SCFD2: variants seen among roughly 807,000 people sequenced by gnomAD.
SCFD2 encodes the protein sec1 family domain containing 2, also known as sec1 family domain-containing protein 2.
A neutral mutation model predicts 58.9 loss-of-function variants in SCFD2; 54 were observed. The observed-to-expected ratio is 0.92, with a 90% CI of 0.74 to 1.15. The LOEUF (loss-of-function observed/expected upper bound fraction) is 1.15, where lower values mean the gene tolerates loss of function less well. SCFD2 is among the 50% of genes most tolerant of loss of function. The probability of loss-of-function intolerance (pLI) is 0.00; values close to 1 mark genes in which losing one functional copy is unlikely to be tolerated. For synonymous variants in SCFD2, 321 were observed against 335.9 expected (o/e 0.96, Z 0.49); for missense variants, 805 against 836.6 (o/e 0.96, Z 0.47).
intron 5 of SCFD2, among the ~76,000 whole-genome samples, chr4:53,041,489 G>A (rs1042114649): frequency 6.6e-5 from 10 of 152,158 alleles, no homozygotes; most frequent in Non-Finnish European, 1.2e-4. Flanking sequence ...CAGTAAAACA[G>A]CATTTAAATC....
chr4:53,329,664 T>G (rs1375260536), intron 2 of SCFD2, among the ~76,000 whole-genome samples: 1 of 152,082 alleles, frequency 6.6e-6, no homozygotes, highest in Admixed American at 6.5e-5. Flanking sequence ...ACAGAAAAAG[T>G]AGAAACTCTA....
chr4:53,176,403 G>A (rs929859637), intron 4 of SCFD2, among the ~76,000 whole-genome samples: 7 of 152,148 alleles, frequency 4.6e-5, no homozygotes, highest in African/African-American at 1.4e-4. Context: ...CTCTTTGGGA[G>A]TGAACTGCTG....
intron 5 of SCFD2, among the ~76,000 whole-genome samples, chr4:52,985,141 T>C (rs932083719): frequency 3.3e-5 from 5 of 152,246 alleles, no homozygotes; most frequent in African/African-American, 1.2e-4. Flanking sequence ...TTTAAGGGTA[T>C]TGATCATAAA....
intron 4 of SCFD2, among the ~76,000 whole-genome samples, chr4:53,174,380 T>G (rs1302136556): frequency 6.6e-6 from 1 of 152,120 alleles, no homozygotes; most frequent in Non-Finnish European, 1.5e-5. Context: ...AATTAGACAT[T>G]ATTAACATTA....
chr4:52,958,636 C>T (rs967333592), intron 5 of SCFD2, among the ~76,000 whole-genome samples: 1 of 152,100 alleles, frequency 6.6e-6, no homozygotes, highest in East Asian at 1.9e-4. Flanking sequence ...GAACAGCTCT[C>T]GGAGGAGCGA....
At chr4:53,028,125 T>C (rs575045717) in intron 5 of SCFD2, among the ~76,000 whole-genome samples, 3 of 152,004 alleles carry the variant, frequency 2.0e-5, no homozygotes, top group Admixed American at 6.6e-5. Flanking sequence ...CAGGCTCCTG[T>C]AGTCCCAGCT....
intron 5 of SCFD2, among the ~76,000 whole-genome samples, chr4:52,952,252 CTCTCACACCCCCATCCCCT>C (rs1720614006): frequency 8.0e-6 from 1 of 125,602 alleles, no homozygotes; most frequent in African/African-American, 2.6e-5. Context: ...GCCCCATCCC[CTCTCACACCCCCATCCCCT>C]CTCACACCCC....
chr4:53,199,751 G>A (rs932460058), intron 4 of SCFD2, among the ~76,000 whole-genome samples: 1 of 152,128 alleles, frequency 6.6e-6, no homozygotes, highest in Non-Finnish European at 1.5e-5. Context: ...GAAGCTACCT[G>A]TCCCCGTACA....
rs569700376 is a variant in SCFD2, at chr4:53,092,873, T to TA, written c.1561+52459dup. Among the ~76,000 whole-genome samples the TA allele has an allele frequency of 4.4e-3, 669 of 152,002 alleles. 2 individuals are homozygous for TA. Among genetic ancestry groups the TA allele is most frequent in the African/African-American group, 0.015 (628 of 41,454 alleles). ...ATGTTATCAAAAAAATAAAGCAGAC[T>TA]AAAAAAACAAAACAGAGGGCCCAAA... On this transcript the variant is annotated intron_variant, in intron 5 of 8. Transcript: ENST00000401642.
chr4:53,292,910 T>C (rs1731891171), intron 3 of SCFD2, among the ~76,000 whole-genome samples: 1 of 151,892 alleles, frequency 6.6e-6, no homozygotes, highest in South Asian at 2.1e-4. Context: ...AGGACAAATA[T>C]GTAATGCATG....
At chr4:52,907,992 T>C (rs1719388184) in intron 6 of SCFD2, among the ~76,000 whole-genome samples, 1 of 152,196 alleles carries the variant, frequency 6.6e-6, no homozygotes, top group South Asian at 2.1e-4. Flanking sequence ...ATTCTTAGCA[T>C]TATGCTCTCC....
chr4:53,341,263 T>G (rs1429511446), intron 2 of SCFD2, among the ~76,000 whole-genome samples: 1 of 152,166 alleles, frequency 6.6e-6, no homozygotes, highest in Non-Finnish European at 1.5e-5. Flanking sequence ...AGTACTTAAA[T>G]GACCTGGTGG....
In SCFD2 at chr4:53,117,852, C is replaced by T. The variant is rs182098558; in HGVS notation, c.1561+27481G>A. Among the ~76,000 whole-genome samples, 32 of 152,224 alleles carry T rather than the reference C, an allele frequency of 2.1e-4. No homozygotes were observed. The East Asian group carries it at 5.2e-3, about 25-fold the overall frequency. On this transcript the variant is annotated intron_variant, in intron 5 of 8. Coordinates refer to ENST00000401642, the MANE Select transcript of SCFD2 (RefSeq NM_152540.4). ...AGGGCTTCTTTAAAAAGCAAGAAAA[C>T]GGTAATCAGCTAGATTCATTTTTCC...
intron 5 of SCFD2, among the ~76,000 whole-genome samples, chr4:52,921,889 TG>T (rs1719745193): frequency 6.6e-6 from 1 of 152,138 alleles, no homozygotes; most frequent in Non-Finnish European, 1.5e-5. Context: ...CTGGGAGTGC[TG>T]GGGAGTCAAC....
At chr4:53,045,819 T>G (rs1300551436) in intron 5 of SCFD2, among the ~76,000 whole-genome samples, 1 of 152,168 alleles carries the variant, frequency 6.6e-6, no homozygotes, top group African/African-American at 2.4e-5. Flanking sequence ...TAAGATCCTG[T>G]CAACTAAGAA....
intron 4 of SCFD2, among the ~76,000 whole-genome samples, chr4:53,247,981 C>T (rs931289461): frequency 6.6e-6 from 1 of 151,768 alleles, no homozygotes; most frequent in African/African-American, 2.4e-5. Flanking sequence ...ATGCAAAAGG[C>T]AGGTGATTTC....
intron 5 of SCFD2, among the ~76,000 whole-genome samples, chr4:52,977,513 C>A (rs1385296573): frequency 6.6e-6 from 1 of 152,058 alleles, no homozygotes; most frequent in Non-Finnish European, 1.5e-5. Context: ...ATCCTCTGAG[C>A]TCAAGGGGTC....
chr4:53,329,433 G>C (rs1241854515), intron 2 of SCFD2, among the ~76,000 whole-genome samples: 1 of 151,838 alleles, frequency 6.6e-6, no homozygotes, highest in Non-Finnish European at 1.5e-5. Context: ...GTGGGTCCCT[G>C]ACCCCTGACC....
intron 3 of SCFD2, among the ~76,000 whole-genome samples, chr4:53,285,788 A>C (rs1318057993): frequency 6.6e-6 from 1 of 152,064 alleles, no homozygotes; most frequent in Non-Finnish European, 1.5e-5. Flanking sequence ...GGCCTCCAGC[A>C]GCCCCCACAA....
Sources: gnomAD v4.1 joint callset for allele counts (sites outside exome capture counted in the v4.1 genomes callset) on GRCh38, gnomAD v4.1.1 for gene constraint, MANE v1.5 for transcripts, NCBI Gene and HGNC (gene_info 2026-07-23, HGNC 2026-07-21) for gene names.